USP45: variants seen among roughly 807,000 people sequenced by gnomAD.
USP45 encodes the protein ubiquitin carboxyl-terminal hydrolase 45.
A neutral mutation model predicts 95.8 loss-of-function variants in USP45; 89 were observed. The ratio of observed to expected loss-of-function variants is 0.93; its 90% CI spans 0.78 to 1.11. The LOEUF is 1.11. USP45 is among the 50% of genes least tolerant of loss of function. USP45 has a pLI of 0.00. For missense variants in USP45, 898 were observed against 942.5 expected (o/e 0.95, Z 0.62); for synonymous variants, 281 against 316.2 (o/e 0.89, Z 1.18).
intron 7 of USP45, among the ~76,000 whole-genome samples, chr6:99,486,699 C>T (rs1226462988): frequency 6.6e-6 from 1 of 151,638 alleles, no homozygotes; most frequent in Non-Finnish European, 1.5e-5. Context: ...ACAATACTGT[C>T]TTTCAAAAGT....
chr6:99,511,815 A>G (rs1424220576), intron 1 of USP45, among the ~76,000 whole-genome samples: 1 of 147,882 alleles, frequency 6.8e-6, no homozygotes, highest in Non-Finnish European at 1.5e-5. Context: ...ATGTGTGTAT[A>G]GAGAGACACA....
At chr6:99,469,838 T>C (rs1221149599) in intron 9 of USP45, among the ~76,000 whole-genome samples, 5 of 152,064 alleles carry the variant, frequency 3.3e-5, no homozygotes, top group Non-Finnish European at 7.4e-5. Flanking sequence ...TTGCCCAGGC[T>C]GGTCTCAAAC....
chr6:99,448,941 G>T (rs1467760334), intron 13 of USP45, among the ~76,000 whole-genome samples: 1 of 152,154 alleles, frequency 6.6e-6, no homozygotes, highest in Non-Finnish European at 1.5e-5. Context: ...AAGTGAACGA[G>T]AAATAAAATC....
At chr6:99,495,894 T>C (rs1796181466) in intron 5 of USP45, among the ~76,000 whole-genome samples, 1 of 152,216 alleles carries the variant, frequency 6.6e-6, no homozygotes, top group South Asian at 2.1e-4. Context: ...TCTGGAAGGA[T>C]ACTAGTTATG....
chr6:99,485,216 G>A (rs925618859), intron 7 of USP45, among the ~76,000 whole-genome samples: 3 of 150,042 alleles, frequency 2.0e-5, no homozygotes, highest in Non-Finnish European at 3.0e-5. Context: ...GTGGTGGCAC[G>A]CATCTACAGT....
At chr6:99,459,426 A>G (rs774014844) in intron 13 of USP45, among the ~76,000 whole-genome samples, 7 of 152,222 alleles carry the variant, frequency 4.6e-5, no homozygotes, top group Non-Finnish European at 1.0e-4. Context: ...TGCTATTGTG[A>G]ATAGTGCTGC....
rs1780086322 is a variant in USP45, at chr6:99,433,951, A to G, written c.*1765T>C. On this transcript the variant is annotated 3_prime_UTR_variant, in exon 18 of 18. Transcript: ENST00000500704. ...ACCAAGATGGCTGACTTGAATAAAGACAGTCAATATTTTTCAAAAAATTCA... is the reference window on the plus strand; with the variant it reads ...ACCAAGATGGCTGACTTGAATAAAGGCAGTCAATATTTTTCAAAAAATTCA... 6.6e-6 allele frequency: 1 copy of G among 152,216 alleles called. No individual in the cohort carries two copies. The highest frequency in any genetic ancestry group is 1.5e-5 in the Non-Finnish European group (1 of 68,028). 9.4% of individuals were successfully genotyped at this position (152,216 alleles called of 1,614,324 possible).
intron 13 of USP45, chr6:99,461,254 T>C (rs1334139459): frequency 1.0e-6 from 1 of 985,282 alleles, no homozygotes; most frequent in African/African-American, 1.7e-5. Flanking sequence ...CTACAATTAT[T>C]CAATCAGCAT....
In USP45 at chr6:99,435,826, C is replaced by A. The variant is rs535792153; in HGVS notation, c.2335G>T (p.Glu779Ter). 2 of 1,612,038 alleles carry A rather than the reference C, an allele frequency of 1.2e-6. No homozygotes were observed. Among genetic ancestry groups the A allele is most frequent in the East Asian group, 2.2e-5 (1 of 44,808 alleles). Residue 779 changes from glutamate to a stop codon, truncating the protein, a stop_gained, in exon 18 of 18, where the codon GAA becomes TAA. Transcript: ENST00000500704. LOFTEE classifies it high-confidence loss of function. ...ACATGGACCCACTGGCCTGCTGATT[C>A]ATTATCAGCCGCTTTCAAACCTAGC... ...NVPGLKAADN[E>*]SAGQWVHVSD...
chr6:99,473,280 C>A (rs1789904752), intron 9 of USP45, among the ~76,000 whole-genome samples: 1 of 152,086 alleles, frequency 6.6e-6, no homozygotes, highest in South Asian at 2.1e-4. Context: ...CAGCTCATGC[C>A]TGTGATCCCA....
intron 7 of USP45, among the ~76,000 whole-genome samples, chr6:99,483,767 A>G (rs1341268058): frequency 7.5e-6 from 1 of 132,928 alleles, no homozygotes; most frequent in Non-Finnish European, 1.6e-5. Flanking sequence ...GAACCCGGGA[A>G]GTGGAGCTTG....
intron 8 of USP45, among the ~76,000 whole-genome samples, chr6:99,479,073 G>C (rs1791639243): frequency 6.6e-6 from 1 of 151,416 alleles, no homozygotes; most frequent in Non-Finnish European, 1.5e-5. Context: ...AGAGGTTCTA[G>C]AGAAAGGGAT....
rs1780277628 is a variant in USP45, at chr6:99,435,217, A to G, written c.*499T>C. 6.6e-6 allele frequency: 1 copy of G among 152,616 alleles called. No homozygotes were observed. The highest frequency in any genetic ancestry group is 1.5e-5 in the Non-Finnish European group (1 of 68,040). The allele number at this position is 152,616 out of a possible 1,614,324, so 9.5% of individuals were successfully genotyped here. ...AACAATTTTTAATAGTTTTACTTTA[A>G]TATTTATTATAAAAATATAAAAGCA... is the stretch of plus-strand genomic sequence containing the variant. On this transcript the variant is annotated 3_prime_UTR_variant, in exon 18 of 18. Transcript: ENST00000500704.
At chr6:99,473,054 T>G (rs1789839791) in intron 9 of USP45, among the ~76,000 whole-genome samples, 1 of 152,032 alleles carries the variant, frequency 6.6e-6, no homozygotes, top group South Asian at 2.1e-4. Flanking sequence ...TTAGACACAA[T>G]GTAGGTAAAA....
chr6:99,511,764 T>A (rs1355931236), intron 1 of USP45, among the ~76,000 whole-genome samples: 2 of 151,556 alleles, frequency 1.3e-5, no homozygotes, highest in African/African-American at 2.4e-5. Flanking sequence ...ATTCCACACC[T>A]ATTAACAATT....
At chr6:99,501,469 G>C (rs1387107004) in intron 5 of USP45, among the ~76,000 whole-genome samples, 1 of 152,070 alleles carries the variant, frequency 6.6e-6, no homozygotes, top group Non-Finnish European at 1.5e-5. Flanking sequence ...CCACGTTTCT[G>C]CAATATTAGC....
chr6:99,469,614 G>C (rs956304110), intron 9 of USP45, among the ~76,000 whole-genome samples: 3 of 150,986 alleles, frequency 2.0e-5, no homozygotes, highest in African/African-American at 7.3e-5. Context: ...CAAGTACCTG[G>C]GACTATAGGC....
At chr6:99,470,959 T>G (rs1562364260) in intron 9 of USP45, among the ~76,000 whole-genome samples, 1 of 152,180 alleles carries the variant, frequency 6.6e-6, no homozygotes, top group Non-Finnish European at 1.5e-5. Context: ...TTTGATATGA[T>G]TTAATGAAAC....
chr6:99,445,809 T>C lies in USP45; in HGVS notation c.1963A>G (p.Thr655Ala). 6.4e-7 allele frequency: 1 copy of C among 1,564,222 alleles called. No homozygotes were observed. Residue 655 changes from threonine (T) to alanine (A), a missense_variant, in exon 14 of 18, where the codon ACC (threonine) becomes GCC (alanine). Coordinates refer to ENST00000500704, the MANE Select transcript of USP45 (RefSeq NM_001346022.3). ...TKNKQKYQEE[T>A]SFAEKKVEGV... ...AAAAAATAATTACCTGCAAAACTGG[T>C]TTCTTCTTGGTACTTCTGTTTGTTT...
Sources: allele counts gnomAD v4.1 joint callset (sites outside exome capture counted in the v4.1 genomes callset), GRCh38; gene constraint gnomAD v4.1.1; transcripts MANE v1.5; gene names NCBI Gene and HGNC (gene_info 2026-07-23, HGNC 2026-07-21).